THAP4: variants seen among roughly 807,000 people sequenced by gnomAD.
THAP4 encodes THAP domain containing 4.
A neutral mutation model predicts 48.1 loss-of-function variants in THAP4; 18 were observed. That is an observed-to-expected ratio of 0.37 (90% CI 0.26 to 0.56). The LOEUF is 0.56. THAP4 is among the 20% of genes least tolerant of loss of function. The pLI is 0.78. For missense variants in THAP4, 656 were observed against 774.9 expected (o/e 0.85, Z 1.82); for synonymous variants, 345 against 324.9 (o/e 1.06, Z -0.66).
chr2:241,591,042 T>C (rs559490237), intron 5 of THAP4, among the ~76,000 whole-genome samples: 16 of 149,944 alleles, frequency 1.1e-4, no homozygotes, highest in Non-Finnish European at 4.4e-5. Flanking sequence ...CGGCTGACGA[T>C]GATGGGCACT....
At position 241,595,399 on chromosome 2, in the gene THAP4, A is replaced by G. The variant is rs201428258; in HGVS notation, c.1614+6497T>C. ...ACATCTGTAATCCTGGCACATTGGG[A>G]GGCTGAGCTGGGCGGATCACCTAAG... is the stretch of plus-strand genomic sequence containing the variant. On this transcript the variant is annotated intron_variant, in intron 5 of 5. Coordinates refer to ENST00000407315, the MANE Select transcript of THAP4 (RefSeq NM_015963.6). Among the ~76,000 whole-genome samples the G allele has an allele frequency of 2.8e-4, 42 of 151,964 alleles. No individual in the cohort carries two copies. In the East Asian group the frequency reaches 7.9e-3, roughly 28 times the overall value.
chr2:241,584,739 TG>T lies in THAP4; in HGVS notation c.1615-15del, dbSNP rs765101281. 1.7e-5 allele frequency: 28 copies of T among 1,614,058 alleles called. No individual in the cohort carries two copies. In the South Asian group the frequency reaches 3.0e-4, roughly 17 times the overall value. On this transcript the variant is annotated splice_polypyrimidine_tract_variant and intron_variant, in intron 5 of 5. Coordinates refer to ENST00000407315, the MANE Select transcript of THAP4 (RefSeq NM_015963.6). ...CTTCCGGGTGATCTGAGCAGGAGAATGGAACAAAGATAGCTTAGTTTTATCT... is the reference window on the plus strand; with the variant it reads ...CTTCCGGGTGATCTGAGCAGGAGAATGAACAAAGATAGCTTAGTTTTATCT...
intron 5 of THAP4, chr2:241,594,747 G>A (rs1471940317): frequency 6.2e-6 from 1 of 161,868 alleles, no homozygotes; most frequent in African/African-American, 2.4e-5. Flanking sequence ...GATGGAATGA[G>A]ACCCTCTCTT....
At chr2:241,634,435 A>C (rs933439593) in intron 1 of THAP4, among the ~76,000 whole-genome samples, 3 of 152,224 alleles carry the variant, frequency 2.0e-5, no homozygotes, top group Admixed American at 1.3e-4. Flanking sequence ...CTAGAAGCTG[A>C]CTGCTAACCA....
Position 241,601,869 on chromosome 2 carries a change from G to A in THAP4, c.1614+27C>T. On this transcript the variant is annotated intron_variant, in intron 5 of 5. Transcript: ENST00000407315. The surrounding 1 kb of genome is among the most constrained non-coding windows in gnomAD (Gnocchi z 4.0). The stretch of plus-strand genomic sequence containing the variant: ...AGACCGCTGCAAACAGAAGACAGGA[G>A]CGTGCTGGGAGCAGGGCTGGGCTCA... The A allele has an allele frequency of 6.2e-7, 1 of 1,613,024 alleles. No individual in the cohort carries two copies. Among genetic ancestry groups the A allele is most frequent in the Non-Finnish European group, 8.5e-7 (1 of 1,179,746 alleles).
At chr2:241,609,432 G>A (rs1467086990) in intron 2 of THAP4, among the ~76,000 whole-genome samples, 1 of 152,250 alleles carries the variant, frequency 6.6e-6, no homozygotes, top group African/African-American at 2.4e-5. Flanking sequence ...CAGACAGCCA[G>A]CTATAGCCTT....
chr2:241,599,535 A>C (rs990154487), intron 5 of THAP4, among the ~76,000 whole-genome samples: 1 of 152,226 alleles, frequency 6.6e-6, no homozygotes, highest in African/African-American at 2.4e-5. Flanking sequence ...AAAAATGATA[A>C]AACACTTGAG....
chr2:241,620,192 GGGT>G, intron 2 of THAP4, among the ~76,000 whole-genome samples: 1 of 73,678 alleles, frequency 1.4e-5, no homozygotes, highest in Non-Finnish European at 2.6e-5. Flanking sequence ...GGTGAGTGAG[GGGT>G]GAGGAGTGAG....
In THAP4 at chr2:241,637,053, G is replaced by T; in HGVS notation, c.-36C>A. 5 of 1,143,358 alleles carry T rather than the reference G, an allele frequency of 4.4e-6. No individual in the cohort carries two copies. The highest frequency in any genetic ancestry group is 5.4e-6 in the Non-Finnish European group (5 of 920,858). 70.8% of individuals were successfully genotyped at this position (1,143,358 alleles called of 1,614,324 possible). On this transcript the variant is annotated 5_prime_UTR_variant, in exon 1 of 6. Transcript: ENST00000407315. ...GGCCCAGCCGCGCAGCCAGGCCCCG[G>T]CCCTAGCCGCCCGCCCGCCCGCGGA...
At chr2:241,598,551 T>G (rs1181827330) in intron 5 of THAP4, among the ~76,000 whole-genome samples, 1 of 152,188 alleles carries the variant, frequency 6.6e-6, no homozygotes, top group Non-Finnish European at 1.5e-5. Flanking sequence ...GGGGTGGTTT[T>G]GGGATGAAAC....
At chr2:241,593,245 A>G (rs1190778291) in intron 5 of THAP4, among the ~76,000 whole-genome samples, 1 of 152,070 alleles carries the variant, frequency 6.6e-6, no homozygotes, top group Non-Finnish European at 1.5e-5. Flanking sequence ...GCTCTGTCTA[A>G]AAAAAAGTAA....
intron 2 of THAP4, among the ~76,000 whole-genome samples, chr2:241,632,693 C>T (rs1188438874): frequency 6.6e-6 from 1 of 152,224 alleles, no homozygotes; most frequent in Non-Finnish European, 1.5e-5. Context: ...TCACGGCCTA[C>T]ATCCCTACAC....
In THAP4 at chr2:241,633,537, T is replaced by A; in HGVS notation, c.620A>T (p.Glu207Val). ...AGDESATSSI[E>V]GGVTDKSGIS... ...GCCACTCTTATCTGTCACGCCCCCT[T>A]CGATGGAGGAAGTGGCGCTCTCATC... Residue 207 changes from glutamate (E) to valine (V), a missense_variant, in exon 2 of 6, where the codon GAA (glutamate) becomes GTA (valine). Around this residue, in one of 4 missense-constraint regions of THAP4, gnomAD observed 391 missense variants for 412.4 expected, o/e 0.95. Coordinates refer to ENST00000407315, the MANE Select transcript of THAP4 (RefSeq NM_015963.6). The surrounding 1 kb of genome is among the most constrained non-coding windows in gnomAD (Gnocchi z 7.5). 1 of 1,614,046 alleles carries A rather than the reference T, an allele frequency of 6.2e-7. No homozygotes were observed. The highest frequency in any genetic ancestry group is 1.1e-5 in the South Asian group (1 of 91,068).
intron 2 of THAP4, among the ~76,000 whole-genome samples, chr2:241,611,982 G>A (rs986331462): frequency 2.0e-5 from 3 of 152,126 alleles, no homozygotes; most frequent in East Asian, 1.9e-4. Flanking sequence ...GGTTCACTGC[G>A]GCCTAGACCA....
intron 5 of THAP4, among the ~76,000 whole-genome samples, chr2:241,600,351 C>T (rs751030866): frequency 7.2e-5 from 11 of 152,050 alleles, no homozygotes; most frequent in South Asian, 2.1e-4. Flanking sequence ...TAGAATTATA[C>T]GCTGCGTCAC....
At chr2:241,613,659 G>A (rs34767573) in intron 2 of THAP4, among the ~76,000 whole-genome samples, 47 of 152,160 alleles carry the variant, frequency 3.1e-4, no homozygotes, top group Admixed American at 3.1e-3. Context: ...GGAGGCTGAG[G>A]TGGGAGGATC....
At chr2:241,591,217 C>A in intron 5 of THAP4, among the ~76,000 whole-genome samples, 2 of 151,858 alleles carry the variant, frequency 1.3e-5, no homozygotes, top group South Asian at 2.1e-4. Flanking sequence ...CTAGGACACT[C>A]AGAACTGCTC....
chr2:241,623,687 A>G (rs2067462367), intron 2 of THAP4, among the ~76,000 whole-genome samples: 1 of 152,170 alleles, frequency 6.6e-6, no homozygotes, highest in South Asian at 2.1e-4. Context: ...GGCCATTAAA[A>G]GCTTAATAGA....
At chr2:241,593,373 T>C (rs111741877) in intron 5 of THAP4, among the ~76,000 whole-genome samples, 7 of 152,236 alleles carry the variant, frequency 4.6e-5, no homozygotes, top group Non-Finnish European at 1.0e-4. Context: ...GACAGCACTG[T>C]GTCTCCTGCA....
Sources: allele counts gnomAD v4.1 joint callset (sites outside exome capture counted in the v4.1 genomes callset), GRCh38; gene constraint gnomAD v4.1.1; regional missense constraint gnomAD v4.1.1; non-coding constraint Gnocchi (gnomAD v3.1); transcripts MANE v1.5; gene names NCBI Gene and HGNC (gene_info 2026-07-23, HGNC 2026-07-21).